The following RALGAPA1 variants were observed in gnomAD, a reference collection of about 807,000 sequenced individuals.
The protein encoded by RALGAPA1 is ral GTPase-activating protein subunit alpha-1.
RALGAPA1 carries 52 observed loss-of-function variants against 269.6 expected under a neutral mutation model. The observed-to-expected ratio is 0.19, with a 90% CI of 0.15 to 0.24. The LOEUF is 0.24. RALGAPA1 is among the 10% of genes least tolerant of loss of function. The probability of loss-of-function intolerance (pLI) is 1.00; values close to 1 mark genes in which losing one functional copy is unlikely to be tolerated. For synonymous variants in RALGAPA1, 817 were observed against 1,008.3 expected (o/e 0.81, Z 3.60); for missense variants, 1,917 against 3,013.9 (o/e 0.64, Z 8.52).
chr14:35,617,012 A>C (rs1018551070), intron 35 of RALGAPA1, among the ~76,000 whole-genome samples: 9 of 152,188 alleles, frequency 5.9e-5, no homozygotes, highest in Non-Finnish European at 1.2e-4. Flanking sequence ...GCTAAACAAT[A>C]ATGATAATAA....
intron 16 of RALGAPA1, among the ~76,000 whole-genome samples, chr14:35,711,531 T>C (rs964207595): frequency 2.0e-5 from 3 of 152,210 alleles, no homozygotes; most frequent in Non-Finnish European, 4.4e-5. Context: ...CACTGCAGTG[T>C]CAACTTCCTG....
At position 35,791,860 on chromosome 14, in the gene RALGAPA1, CT is replaced by C. The variant is rs1567238450; in HGVS notation, c.107-16116del. On this transcript the variant is annotated intron_variant, in intron 1 of 41. Transcript: ENST00000680220. Reference sequence around the variant, plus strand: ...GGTGGAGCTTGCAGTGAGCCGAGATCTGCCACTGCACTCCAGCCTGGCCGAC... The same window carrying C: ...GGTGGAGCTTGCAGTGAGCCGAGATCGCCACTGCACTCCAGCCTGGCCGAC... Among the ~76,000 whole-genome samples, 8 of 133,036 alleles carry C rather than the reference CT, an allele frequency of 6.0e-5. No homozygotes were observed. In the South Asian group the frequency reaches 2.1e-3, roughly 35 times the overall value. 87.3% of individuals were successfully genotyped at this position (133,036 alleles called of 152,430 possible). A position where few individuals can be genotyped will look rare whatever the true frequency, so the allele number is the denominator to read the frequency against.
chr14:35,560,301 C>T (rs1363170093), intron 39 of RALGAPA1, among the ~76,000 whole-genome samples: 1 of 152,108 alleles, frequency 6.6e-6, no homozygotes, highest in East Asian at 1.9e-4. Context: ...TCTTTATCTG[C>T]CACTGCTCTT....
chr14:35,690,766 A>G (rs1411929424), intron 17 of RALGAPA1, among the ~76,000 whole-genome samples: 2 of 152,090 alleles, frequency 1.3e-5, no homozygotes, highest in African/African-American at 4.8e-5. Context: ...CTGGCTTCTT[A>G]CATCTCTTTT....
At chr14:35,619,205 G>A (rs1386181716) in intron 35 of RALGAPA1, among the ~76,000 whole-genome samples, 3 of 151,962 alleles carry the variant, frequency 2.0e-5, no homozygotes, top group Non-Finnish European at 4.4e-5. Context: ...GTTAGAAGGA[G>A]CAAGATTACA....
intron 37 of RALGAPA1, among the ~76,000 whole-genome samples, chr14:35,588,143 G>A (rs2058421346): frequency 6.6e-6 from 1 of 152,080 alleles, no homozygotes; most frequent in Non-Finnish European, 1.5e-5. Context: ...TTGACCTCAT[G>A]ATCCATCAAT....
At chr14:35,750,453 T>G (rs1355018222) in intron 9 of RALGAPA1, 29 bp downstream of exon 9, 2 of 1,591,812 alleles carry the variant, frequency 1.3e-6, no homozygotes, top group Non-Finnish European at 1.7e-6. Flanking sequence ...ATTTCTAACT[T>G]TAACAGGCCT....
intron 11 of RALGAPA1, among the ~76,000 whole-genome samples, chr14:35,740,293 C>T (rs574193243): frequency 6.6e-6 from 1 of 152,194 alleles, no homozygotes; most frequent in Non-Finnish European, 1.5e-5. Context: ...ACCTCCAACA[C>T]TTGTTCTCAA....
At chr14:35,643,189 G>C (rs927650735) in intron 31 of RALGAPA1, among the ~76,000 whole-genome samples, 2 of 152,062 alleles carry the variant, frequency 1.3e-5, no homozygotes, top group East Asian at 1.9e-4. Flanking sequence ...TCGAGGGGTG[G>C]GGGGAGGCGG....
At chr14:35,703,883 T>C (rs2067572756) in intron 16 of RALGAPA1, among the ~76,000 whole-genome samples, 1 of 151,970 alleles carries the variant, frequency 6.6e-6, no homozygotes, top group South Asian at 2.1e-4. Flanking sequence ...TTCCCATAAA[T>C]TCACCTTGGA....
chr14:35,552,858 A>G (rs1207772088), intron 39 of RALGAPA1, among the ~76,000 whole-genome samples: 1 of 152,198 alleles, frequency 6.6e-6, no homozygotes, highest in Non-Finnish European at 1.5e-5. Flanking sequence ...CAAAATGTCT[A>G]TAGCGTAAAG....
intron 16 of RALGAPA1, among the ~76,000 whole-genome samples, chr14:35,712,647 C>G (rs973699352): frequency 6.6e-6 from 1 of 152,110 alleles, no homozygotes; most frequent in African/African-American, 2.4e-5. Context: ...AAGCTGACTA[C>G]AGGCACGCGC....
chr14:35,759,584 TA>T (rs2073511414), intron 6 of RALGAPA1, among the ~76,000 whole-genome samples: 1 of 138,352 alleles, frequency 7.2e-6, no homozygotes, highest in Admixed American at 7.1e-5. Context: ...AGATGAGAAT[TA>T]AAGAAGTAAA....
At chr14:35,610,332 G>C (rs1287913373) in intron 35 of RALGAPA1, among the ~76,000 whole-genome samples, 2 of 151,144 alleles carry the variant, frequency 1.3e-5, no homozygotes, top group Non-Finnish European at 2.9e-5. Flanking sequence ...GCCCAGGCTG[G>C]AGTGCAGTGG....
chr14:35,770,894 T>C (rs2074560860), intron 4 of RALGAPA1, 48 bp downstream of exon 4: 1 of 695,396 alleles, frequency 1.4e-6, no homozygotes. Flanking sequence ...ACATTTTTCA[T>C]ATATTATCCT....
Position 35,539,582 on chromosome 14 carries a change from A to G in RALGAPA1, c.*132T>C. On this transcript the variant is annotated 3_prime_UTR_variant, in exon 42 of 42. Transcript: ENST00000680220. The stretch of plus-strand genomic sequence containing the variant: ...TGAGCCAGAGGAACGACGCAGCTTC[A>G]TGGACATGCGGCTTTTGCTAGTTCG... The G allele has an allele frequency of 6.2e-7, 1 of 1,613,558 alleles. No homozygotes were observed. The highest frequency in any genetic ancestry group is 8.5e-7 in the Non-Finnish European group (1 of 1,180,010).
chr14:35,743,125 A>G (rs901514654), intron 10 of RALGAPA1, among the ~76,000 whole-genome samples: 1 of 152,114 alleles, frequency 6.6e-6, no homozygotes, highest in Non-Finnish European at 1.5e-5. Flanking sequence ...AGACATGGGG[A>G]GACCATGCAA....
At chr14:35,672,035 C>T (rs1187070465) in intron 25 of RALGAPA1, among the ~76,000 whole-genome samples, 3 of 152,064 alleles carry the variant, frequency 2.0e-5, no homozygotes, top group Non-Finnish European at 4.4e-5. Flanking sequence ...ATTTACTTTG[C>T]CTTTGGAATT....
intron 27 of RALGAPA1, 75 bp from the exon 28 acceptor site, chr14:35,659,271 G>T: frequency 9.1e-7 from 1 of 1,102,342 alleles, no homozygotes; most frequent in Non-Finnish European, 1.3e-6. Flanking sequence ...TTATTAAGTG[G>T]TTATTAAAGC....
Sources: allele counts gnomAD v4.1 joint callset (sites outside exome capture counted in the v4.1 genomes callset), GRCh38; gene constraint gnomAD v4.1.1; transcripts MANE v1.5; gene names NCBI Gene and HGNC (gene_info 2026-07-23, HGNC 2026-07-21).